Variants in JAG2 observed in about 807,000 individuals in gnomAD.
The protein encoded by JAG2 is protein jagged-2.
Under a neutral mutation model 141.7 loss-of-function variants are expected in JAG2, and 46 were observed. The observed-to-expected ratio is 0.32, with a 90% confidence interval of 0.26 to 0.42. JAG2 has a LOEUF of 0.42. Among genes scored for constraint, JAG2 ranks in the 10% least tolerant of loss-of-function variants. The pLI, the probability that JAG2 is intolerant of heterozygous loss-of-function variation, is 1.00. For missense variants in JAG2, 1,500 were observed against 1,817.5 expected, an observed-to-expected ratio of 0.83 and a Z score of 3.18; for synonymous variants, 862 against 763.5, an observed-to-expected ratio of 1.13 and a Z score of -2.13.
At position 105,151,164 on chromosome 14, in the gene JAG2, G is replaced by A. The variant is rs1035420737; in HGVS notation, c.1268-60C>T. ...GGGCCCTGCCTGCCCCCTGCAGCACGGGCACCTGGCACCCGCAGCCCAGCA... is the reference window on the plus strand; with the variant it reads ...GGGCCCTGCCTGCCCCCTGCAGCACAGGCACCTGGCACCCGCAGCCCAGCA... On this transcript the variant is annotated intron_variant, in intron 9 of 25. Transcript: ENST00000331782. 1.0e-4 allele frequency: 158 copies of A among 1,535,050 alleles called. 1 individual carries two copies. The highest frequency in any genetic ancestry group is 3.9e-4 in the Middle Eastern group (2 of 5,108).
Position 105,147,867 on chromosome 14 carries a change from G to A in JAG2, c.2270C>T (p.Pro757Leu), listed in dbSNP as rs1489880506. ...CAVAKNSSCLPNPCVNGGTCV... is the reference protein window; with the variant it reads ...CAVAKNSSCLLNPCVNGGTCV... The stretch of plus-strand genomic sequence containing the variant: ...GGTGCCACCATTCACACAGGGGTTG[G>A]GCAGGCAGCTGCTGTTCTTGGCTGT... Residue 757 changes from proline to leucine, a missense_variant, in exon 18 of 26, where the codon CCC becomes CTC. By Grantham distance (98) the Pro-to-Leu change is moderately conservative (BLOSUM62 -3). Around this residue, in one of 3 missense-constraint regions of JAG2, gnomAD observed 875 missense variants for 1,202.2 expected, o/e 0.73. Transcript: ENST00000331782. 1 of 1,553,000 alleles carries A rather than the reference G, an allele frequency of 6.4e-7. No individual in the cohort carries two copies. Among genetic ancestry groups the A allele is most frequent in the South Asian group, 1.2e-5 (1 of 84,180 alleles).
chr14:105,164,440 C>A (rs1022314975), intron 2 of JAG2, among the ~76,000 whole-genome samples: 1 of 152,222 alleles, frequency 6.6e-6, no homozygotes, highest in Non-Finnish European at 1.5e-5. Flanking sequence ...CTCTCCTGGT[C>A]CCTACTGGGA....
chr14:105,168,472 C>T lies in JAG2; in HGVS notation c.-52G>A. ...CCGCCGCCGCCGCCCGCGCCCGGCT[C>T]CCAGCCGCCGCGCCGGCCTCCCAGC... On this transcript the variant is annotated 5_prime_UTR_variant, in exon 1 of 26. Coordinates refer to ENST00000331782, the MANE Select transcript of JAG2 (RefSeq NM_002226.5). 3.9e-6 allele frequency: 2 copies of T among 510,690 alleles called. No homozygotes were observed. Among genetic ancestry groups the T allele is most frequent in the Non-Finnish European group, 5.0e-6 (2 of 398,822 alleles). The allele number at this position is 510,690 out of a possible 1,614,324, so 31.6% of individuals were successfully genotyped here.
chr14:105,161,003 C>T (rs776285811), intron 2 of JAG2, among the ~76,000 whole-genome samples: 8 of 152,202 alleles, frequency 5.3e-5, no homozygotes, highest in Non-Finnish European at 1.0e-4. Context: ...CCCACGGGGA[C>T]AGTGGGGTCA....
Position 105,168,368 on chromosome 14 carries a change from GC to G in JAG2, c.52del (p.Ala18ArgfsTer17). ...CGCCCCGCTCACCTGCACCCAGAGC[GC>G]CAGCAGCAGCAGCAGCCGCCGGGGA... is the stretch of plus-strand genomic sequence containing the variant. ...RLPRRLLLLL[A>X]LWVQAARPMG... On this transcript the variant is annotated frameshift_variant, in exon 1 of 26. Transcript: ENST00000331782. LOFTEE classifies it high-confidence loss of function. The G allele has an allele frequency of 1.0e-6, 1 of 975,612 alleles. No individual in the cohort carries two copies. The highest frequency in any genetic ancestry group is 1.3e-6 in the Non-Finnish European group (1 of 785,950). 60.4% of individuals were successfully genotyped at this position (975,612 alleles called of 1,614,324 possible). A position where few individuals can be genotyped will look rare whatever the true frequency, so the allele number is the denominator to read the frequency against.
chr14:105,146,354 T>A (rs779652048), intron 22 of JAG2, 31 bp downstream of exon 22: 25 of 1,570,444 alleles, frequency 1.6e-5, no homozygotes, highest in Non-Finnish European at 2.1e-5. Context: ...CAGCCTCGGG[T>A]AGGGCAGGGC....
chr14:105,146,022 A>T, intron 22 of JAG2, 49 bp from the exon 23 acceptor site: 1 of 1,571,100 alleles, frequency 6.4e-7, no homozygotes, highest in African/African-American at 1.3e-5. Context: ...CAGGAGGGTC[A>T]GATGCAGGCA....
In JAG2 at chr14:105,152,020, G is replaced by A. The variant is rs936616719; in HGVS notation, c.957C>T (p.Asn319=). The A allele has an allele frequency of 1.3e-5, 21 of 1,613,390 alleles. No individual in the cohort carries two copies. Among genetic ancestry groups the A allele is most frequent in the South Asian group, 5.5e-5 (5 of 91,088 alleles). The part of the protein sequence containing the change: ...NYCGSHHPCT[N]GGTCINAEPD... ...GCTCGGCGTTGATGCACGTGCCTCC[G>A]TTGGTGCAGGGGTGGTGGCTGCCAC... The change falls in exon 7 of 26, where the codon AAC becomes AAT. Residue 319 remains asparagine (N), a synonymous_variant. Coordinates refer to ENST00000331782, the MANE Select transcript of JAG2 (RefSeq NM_002226.5).
chr14:105,151,272 G>A lies in JAG2; in HGVS notation c.1267+11C>T, dbSNP rs370778655. ...GGCCCACGTTCCCATGCACTCGCTC[G>A]GAGCCCTTACCCAGCTGGCAGGTGG... On this transcript the variant is annotated intron_variant, in intron 9 of 25. Coordinates refer to ENST00000331782, the MANE Select transcript of JAG2 (RefSeq NM_002226.5). 37 of 1,609,206 alleles carry A rather than the reference G, an allele frequency of 2.3e-5. No homozygotes were observed. Among genetic ancestry groups the A allele is most frequent in the Non-Finnish European group, 2.5e-5 (30 of 1,177,800 alleles).
intron 9 of JAG2, 41 bp downstream of exon 9, chr14:105,151,242 T>A: frequency 9.9e-7 from 1 of 1,010,304 alleles, no homozygotes; most frequent in Non-Finnish European, 1.4e-6. Flanking sequence ...GCAGCCCGCA[T>A]GCGCGGCCCA....
chr14:105,147,563 C>T, intron 18 of JAG2, 36 bp from the exon 19 acceptor site: 3 of 1,603,008 alleles, frequency 1.9e-6, no homozygotes, highest in East Asian at 2.2e-5. Context: ...GGATCAGTAC[C>T]CACCCCCCAA....
intron 5 of JAG2, among the ~76,000 whole-genome samples, chr14:105,153,534 C>T (rs1888498922): frequency 6.6e-6 from 1 of 152,162 alleles, no homozygotes. Flanking sequence ...CAGGCCCCCA[C>T]CTCCTGGTTT....
rs1888407138 is a variant in JAG2 at position 105,151,006 on chromosome 14, T to C, written c.1366A>G (p.Ile456Val). ...CCATACTGACTGATATGGCAGTTGA[T>C]GCCCTTCCAGCCCGGGATGCAATCA... The part of the protein sequence containing the change: ...YCDCIPGWKG[I>V]NCHINVNDCR... Residue 456 changes from isoleucine (I) to valine (V), a missense_variant, in exon 10 of 26, where the codon ATC (isoleucine) becomes GTC (valine). Physicochemically the swap from Ile to Val is conservative, Grantham distance 29. Transcript: ENST00000331782. 1 of 1,612,600 alleles carries C rather than the reference T, an allele frequency of 6.2e-7. No homozygotes were observed. Among genetic ancestry groups the C allele is most frequent in the Admixed American group, 1.7e-5 (1 of 59,980 alleles).
chr14:105,149,467 C>A (rs1355309220), intron 12 of JAG2, 147 bp from the exon 13 acceptor site: 1 of 947,116 alleles, frequency 1.1e-6, no homozygotes. Context: ...AGCCCAAGAC[C>A]CCTGCCCACC....
Position 105,159,658 on chromosome 14 carries a change from C to G in JAG2, c.418-1895G>C, listed in dbSNP as rs868219552. On this transcript the variant is annotated intron_variant, in intron 2 of 25. Transcript: ENST00000331782. ...CCCAACGGGGTTCCATCCACACCCC[C>G]CAACAGGCTCCATCACCTCCCCAGG... Among the ~76,000 whole-genome samples the G allele has an allele frequency of 2.5e-4, 35 of 138,130 alleles. 1 individual carries two copies. The highest frequency in any genetic ancestry group is 8.5e-4 in the African/African-American group (31 of 36,454). 90.6% of individuals were successfully genotyped at this position (138,130 alleles called of 152,430 possible). A position where few individuals can be genotyped will look rare whatever the true frequency, so the allele number is the denominator to read the frequency against.
chr14:105,147,891 G>A lies in JAG2; in HGVS notation c.2249-3C>T, dbSNP rs1888277196. The A allele has an allele frequency of 2.6e-6, 4 of 1,548,272 alleles. No homozygotes were observed. The highest frequency in any genetic ancestry group is 1.4e-5 in the African/African-American group (1 of 73,040). On this transcript the variant is annotated splice_region_variant and splice_polypyrimidine_tract_variant and intron_variant, in intron 17 of 25. Transcript: ENST00000331782. ...GGGCAGGCAGCTGCTGTTCTTGGCT[G>A]TAAGGAGAGGAGGAGGAGGGAGCGT...
chr14:105,144,879 T>C (rs1331006837), intron 24 of JAG2, 51 bp downstream of exon 24: 7 of 1,584,360 alleles, frequency 4.4e-6, no homozygotes, highest in African/African-American at 1.3e-5. Flanking sequence ...AGGACCTGCA[T>C]AGTACGGGAC....
At chr14:105,160,359 A>AGCT (rs1032416360) in intron 2 of JAG2, among the ~76,000 whole-genome samples, 1 of 41,098 alleles carries the variant, frequency 2.4e-5, no homozygotes, top group African/African-American at 1.0e-4. Context: ...CCACCCTCGC[A>AGCT]GCTGCACCTG....
intron 5 of JAG2, 125 bp downstream of exon 5, chr14:105,155,437 C>G: frequency 2.8e-6 from 3 of 1,065,348 alleles, no homozygotes; most frequent in Non-Finnish European, 4.4e-6. Flanking sequence ...CAGGGCCCGG[C>G]TCTCACAGCT....
Sources: allele counts gnomAD v4.1 joint callset (sites outside exome capture counted in the v4.1 genomes callset), GRCh38; gene constraint gnomAD v4.1.1; regional missense constraint gnomAD v4.1.1; transcripts MANE v1.5; gene names NCBI Gene and HGNC (gene_info 2026-07-23, HGNC 2026-07-21).